The following PGCKA1 variants were observed in gnomAD, a reference collection of about 807,000 sequenced individuals.
PGCKA1 encodes PDCD10 and GCKIII kinases associated 1.
the PGCKA1 span, among the ~76,000 whole-genome samples, chr4:37,509,974 C>G: frequency 0.54 from 63,884 of 118,172 alleles, 15,324 homozygotes; most frequent in African/African-American, 0.64. Flanking sequence ...AGCGGGAGAC[C>G]GTGGGAGAGG....
chr4:37,512,553 T>C, the PGCKA1 span, among the ~76,000 whole-genome samples: 1 of 148,336 alleles, frequency 6.7e-6, no homozygotes, highest in African/African-American at 2.5e-5. Flanking sequence ...GCCTCCTGGG[T>C]TCAAGCAATT....
chr4:37,478,752 T>C, the PGCKA1 span, among the ~76,000 whole-genome samples: 3 of 152,216 alleles, frequency 2.0e-5, no homozygotes, highest in African/African-American at 4.8e-5. Flanking sequence ...AGCAATCTCA[T>C]CCCATTAACT....
the PGCKA1 span, chr4:37,558,121 T>C: frequency 6.6e-6 from 1 of 152,210 alleles, no homozygotes; most frequent in Non-Finnish European, 1.5e-5. Flanking sequence ...AAATCTATTC[T>C]CTTCACTTTC....
chr4:37,545,920 G>A, the PGCKA1 span, among the ~76,000 whole-genome samples: 3 of 152,018 alleles, frequency 2.0e-5, no homozygotes, highest in South Asian at 6.2e-4. Context: ...TTAAAATATA[G>A]TACATATTTA....
At chr4:37,547,657 A>T in the PGCKA1 span, among the ~76,000 whole-genome samples, 1,076 of 152,272 alleles carry the variant, frequency 7.1e-3, 27 homozygotes, top group Admixed American at 0.053. Context: ...CACCCAGACC[A>T]GTTTCCACAC....
chr4:37,464,850 G>A, the PGCKA1 span, among the ~76,000 whole-genome samples: 2 of 152,184 alleles, frequency 1.3e-5, no homozygotes, highest in African/African-American at 2.4e-5. Context: ...TCAATTCCAT[G>A]TTTGTATTAG....
chr4:37,462,995 G>A, the PGCKA1 span, among the ~76,000 whole-genome samples: 1 of 148,116 alleles, frequency 6.8e-6, no homozygotes, highest in Non-Finnish European at 1.5e-5. Flanking sequence ...GTCCGTAGAT[G>A]ACAGAATCAT....
chr4:37,488,604 CTAAG>C, the PGCKA1 span, among the ~76,000 whole-genome samples: 3 of 152,248 alleles, frequency 2.0e-5, no homozygotes, highest in Admixed American at 6.5e-5. Context: ...CTGTCTGAAT[CTAAG>C]TCAGTGTGGG....
At chr4:37,550,532 A>C in the PGCKA1 span, among the ~76,000 whole-genome samples, 3 of 152,178 alleles carry the variant, frequency 2.0e-5, no homozygotes, top group Non-Finnish European at 2.9e-5. Context: ...TAGAACTGGT[A>C]ATCACAAACC....
the PGCKA1 span, among the ~76,000 whole-genome samples, chr4:37,490,424 G>A: frequency 1.3e-5 from 2 of 152,156 alleles, no homozygotes; most frequent in Non-Finnish European, 2.9e-5. Flanking sequence ...CTAGAAACGT[G>A]TAGGAGTGAC....
the PGCKA1 span, among the ~76,000 whole-genome samples, chr4:37,554,552 T>C: frequency 6.6e-6 from 1 of 152,156 alleles, no homozygotes; most frequent in African/African-American, 2.4e-5. Context: ...TTCACCATGT[T>C]GGTCAGGCTA....
At chr4:37,528,590 A>G in the PGCKA1 span, among the ~76,000 whole-genome samples, 1 of 152,180 alleles carries the variant, frequency 6.6e-6, no homozygotes, top group Non-Finnish European at 1.5e-5. Flanking sequence ...GGTGGGTTTT[A>G]AAAATCCTTG....
At chr4:37,460,692 T>C in the PGCKA1 span, 2 of 395,238 alleles carry the variant, frequency 5.1e-6, no homozygotes, top group Non-Finnish European at 9.9e-6. Flanking sequence ...TTTGGTCTTT[T>C]TCTTGTAAAT....
the PGCKA1 span, among the ~76,000 whole-genome samples, chr4:37,553,804 C>T: frequency 6.6e-6 from 1 of 152,112 alleles, no homozygotes; most frequent in African/African-American, 2.4e-5. Flanking sequence ...TGCAAGGTAC[C>T]ACCTATATGC....
the PGCKA1 span, among the ~76,000 whole-genome samples, chr4:37,535,546 C>T: frequency 9.9e-5 from 15 of 152,132 alleles, no homozygotes; most frequent in South Asian, 2.1e-4. Flanking sequence ...TTCCAGAGCC[C>T]CACTTCGCTC....
chr4:37,576,444 T>G, the PGCKA1 span, among the ~76,000 whole-genome samples: 1 of 152,186 alleles, frequency 6.6e-6, no homozygotes, highest in African/African-American at 2.4e-5. Flanking sequence ...CCTGTGACTT[T>G]ACTTAATTTG....
the PGCKA1 span, among the ~76,000 whole-genome samples, chr4:37,559,726 G>A: frequency 6.6e-6 from 1 of 152,136 alleles, no homozygotes; most frequent in African/African-American, 2.4e-5. Flanking sequence ...CCCAGGTACT[G>A]TGAATACAGA....
chr4:37,506,129 A>G, the PGCKA1 span, among the ~76,000 whole-genome samples: 6 of 152,296 alleles, frequency 3.9e-5, no homozygotes, highest in African/African-American at 1.4e-4. Context: ...AACAGTTGTA[A>G]TGTCTCCTTT....
the PGCKA1 span, among the ~76,000 whole-genome samples, chr4:37,508,098 C>T: frequency 9.8e-4 from 149 of 152,160 alleles, 1 homozygote; most frequent in African/African-American, 3.4e-3. Context: ...TTTTCTCTTG[C>T]TGCTTTCAGG....
Sources: allele counts gnomAD v4.1 joint callset (sites outside exome capture counted in the v4.1 genomes callset), GRCh38; gene constraint gnomAD v4.1.1; transcripts MANE v1.5; gene names NCBI Gene and HGNC (gene_info 2026-07-23, HGNC 2026-07-21).